RAD17: variants seen among roughly 807,000 people sequenced by gnomAD.
RAD17 encodes the protein cell cycle checkpoint protein RAD17.
RAD17 carries 31 observed loss-of-function variants against 81.5 expected under a neutral mutation model. The observed-to-expected ratio is 0.38, with a 90% CI of 0.29 to 0.51. The LOEUF (loss-of-function observed/expected upper bound fraction) is 0.51. RAD17 is among the 20% of genes least tolerant of loss of function. RAD17 has a pLI of 0.88. For missense variants in RAD17, 681 were observed against 781.2 expected (o/e 0.87, Z 1.53); for synonymous variants, 261 against 266.2 (o/e 0.98, Z 0.19).
Position 69,386,097 on chromosome 5 carries a change from T to C in RAD17, c.698+2T>C. Reference sequence around the variant, plus strand: ...TCATACTTTACATGAAGTTCTAAGGTAGGTTTCAGTGAAGTATTCTAAAAC... The same window carrying C: ...TCATACTTTACATGAAGTTCTAAGGCAGGTTTCAGTGAAGTATTCTAAAAC... On this transcript the variant is annotated splice_donor_variant, in intron 9 of 18. Transcript: ENST00000354868. LOFTEE classifies it high-confidence loss of function. 6.2e-7 allele frequency: 1 copy of C among 1,604,854 alleles called. No individual in the cohort carries two copies. The highest frequency in any genetic ancestry group is 8.5e-7 in the Non-Finnish European group (1 of 1,176,398).
At chr5:69,402,155 C>G (rs1237665654) in intron 17 of RAD17, among the ~76,000 whole-genome samples, 1 of 149,792 alleles carries the variant, frequency 6.7e-6, no homozygotes, top group Non-Finnish European at 1.5e-5. Context: ...TCAAGCGATT[C>G]TCCTGCCTCA....
chr5:69,398,924 G>A (rs1765075923), intron 16 of RAD17, among the ~76,000 whole-genome samples: 1 of 145,130 alleles, frequency 6.9e-6, no homozygotes, highest in Admixed American at 7.0e-5. Context: ...TGTAATCCGA[G>A]CACTTTGGAA....
At chr5:69,381,508 G>C (rs1477311692) in intron 6 of RAD17, among the ~76,000 whole-genome samples, 1 of 151,858 alleles carries the variant, frequency 6.6e-6, no homozygotes, top group Non-Finnish European at 1.5e-5. Flanking sequence ...AATTTTATGA[G>C]TTCAGGTAAC....
At chr5:69,406,225 C>T (rs1217822922) in intron 17 of RAD17, among the ~76,000 whole-genome samples, 3 of 152,090 alleles carry the variant, frequency 2.0e-5, no homozygotes, top group Non-Finnish European at 4.4e-5. Context: ...AGAACAAAAT[C>T]TTGTCATTTG....
intron 3 of RAD17, 71 bp from the exon 4 acceptor site, chr5:69,371,963 G>A: frequency 1.2e-6 from 1 of 836,556 alleles, no homozygotes; most frequent in Non-Finnish European, 1.6e-6. Flanking sequence ...TTCCCTAAGT[G>A]GTAGCTCTAA....
At chr5:69,369,787 G>A, upstream of RAD17, 1 of 1,395,892 alleles carries the variant, frequency 7.2e-7, no homozygotes, top group Non-Finnish European at 9.9e-7. Flanking sequence ...CTTCGCTTGC[G>A]CCGACCAGTC....
At chr5:69,389,338 A>G (rs1244219698) in intron 12 of RAD17, among the ~76,000 whole-genome samples, 193 bp downstream of exon 12, 1 of 152,242 alleles carries the variant, frequency 6.6e-6, no homozygotes, top group Non-Finnish European at 1.5e-5. Flanking sequence ...CGTAGTATAT[A>G]TCCTTGTTTC....
At chr5:69,398,530 G>C (rs932762152) in intron 16 of RAD17, among the ~76,000 whole-genome samples, 1 of 151,952 alleles carries the variant, frequency 6.6e-6, no homozygotes. Context: ...ATTTCGGCTG[G>C]GCGCTGTGAC....
At chr5:69,408,505 A>G (rs1349612492) in intron 17 of RAD17, among the ~76,000 whole-genome samples, 1 of 79,240 alleles carries the variant, frequency 1.3e-5, no homozygotes, top group Admixed American at 1.4e-4. Context: ...TACCCTAATT[A>G]CTTTTTTTTT....
upstream of RAD17, chr5:69,369,315 G>T: frequency 1.7e-6 from 1 of 596,484 alleles, no homozygotes; most frequent in Non-Finnish European, 2.3e-6. Context: ...CGCGAGGGTC[G>T]GCTCCCGGGG....
At chr5:69,370,078 G>T (rs1434103046) in intron 1 of RAD17, 145 bp downstream of exon 1, 1 of 267,974 alleles carries the variant, frequency 3.7e-6, no homozygotes, top group Admixed American at 5.5e-5. Flanking sequence ...AGGGTGCAGA[G>T]CCCTGTCCTG....
chr5:69,377,562 T>TAC (rs372413416), intron 6 of RAD17, among the ~76,000 whole-genome samples: 1,231 of 3,546 alleles, frequency 0.35, 489 homozygotes, highest in Non-Finnish European at 0.54. Context: ...TATATATGTA[T>TAC]ATATATATGC....
At chr5:69,414,007 A>G (rs1461310429) in intron 18 of RAD17, 24 bp from the exon 19 acceptor site, 1 of 1,607,324 alleles carries the variant, frequency 6.2e-7, no homozygotes, top group Non-Finnish European at 8.5e-7. Context: ...GTTCTTATTA[A>G]TGCCTGCACT....
intron 17 of RAD17, among the ~76,000 whole-genome samples, chr5:69,410,189 C>A (rs747143786): frequency 4.6e-5 from 7 of 152,148 alleles, no homozygotes; most frequent in Non-Finnish European, 1.0e-4. Context: ...ATTGTTAGAT[C>A]ATACAATAAT....
Position 69,410,503 on chromosome 5 carries a change from T to C in RAD17, c.1704T>C (p.Ser568=). Reference sequence around the variant, plus strand: ...AAAAATCTGTTTCAGCTCAGATTTCTTTTATCCAAGATATTGGAAGGCTCC... The same window carrying C: ...AAAAATCTGTTTCAGCTCAGATTTCCTTTATCCAAGATATTGGAAGGCTCC... The part of the protein sequence containing the change: ...TIPMRNQAQI[S]FIQDIGRLPL... Residue 568 remains serine (S), a synonymous_variant, in exon 18 of 19, where the codon TCT becomes TCC. Coordinates refer to ENST00000354868, the MANE Select transcript of RAD17 (RefSeq NM_133338.3). 1 of 1,612,658 alleles carries C rather than the reference T, an allele frequency of 6.2e-7. No homozygotes were observed. Among genetic ancestry groups the C allele is most frequent in the South Asian group, 1.1e-5 (1 of 90,776 alleles).
At chr5:69,388,909 T>A (rs1407781734) in intron 11 of RAD17, 125 bp from the exon 12 acceptor site, 1 of 518,438 alleles carries the variant, frequency 1.9e-6, no homozygotes, top group Non-Finnish European at 3.2e-6. Flanking sequence ...TGCCCAGCCC[T>A]TTTTAGTATT....
In RAD17 at chr5:69,414,097, C is replaced by G. The variant is rs1766220353; in HGVS notation, c.1818C>G (p.Ala606=). The change falls in exon 19 of 19, where the codon GCC becomes GCG. Residue 606 remains alanine, a synonymous_variant. Coordinates refer to ENST00000354868, the MANE Select transcript of RAD17 (RefSeq NM_133338.3). ...GMIDPDSGDE[A]QLNGGHSAEE... is the part of the protein sequence containing the mutation. Reference sequence around the variant, plus strand: ...TAGACCCTGACAGCGGAGATGAAGCCCAGCTTAATGGAGGACATTCTGCAG... The same window carrying G: ...TAGACCCTGACAGCGGAGATGAAGCGCAGCTTAATGGAGGACATTCTGCAG... The G allele has an allele frequency of 6.2e-7, 1 of 1,614,030 alleles. No homozygotes were observed. The highest frequency in any genetic ancestry group is 8.5e-7 in the Non-Finnish European group (1 of 1,180,042).
At position 69,386,545 on chromosome 5, in the gene RAD17, G is replaced by A. The variant is rs1447883491; in HGVS notation, c.894+80G>A. 3.0e-6 allele frequency: 4 copies of A among 1,326,302 alleles called. No individual in the cohort carries two copies. In the East Asian group the frequency reaches 1.1e-4, roughly 37 times the overall value. 82.2% of individuals were successfully genotyped at this position (1,326,302 alleles called of 1,614,324 possible). A position where few individuals can be genotyped will look rare whatever the true frequency, so the allele number is the denominator to read the frequency against. On this transcript the variant is annotated intron_variant, in intron 11 of 18. Transcript: ENST00000354868. ...ATAGTATTATGTAAACTGAAGGAGT[G>A]TTATTTTAATTTTTTAGAATTAAAA...
At chr5:69,380,394 T>C (rs986140607) in intron 6 of RAD17, among the ~76,000 whole-genome samples, 5 of 152,190 alleles carry the variant, frequency 3.3e-5, no homozygotes, top group African/African-American at 1.2e-4. Context: ...TTACTAGGAA[T>C]TTTTCAGCTC....
Sources: allele counts gnomAD v4.1 joint callset (sites outside exome capture counted in the v4.1 genomes callset), GRCh38; gene constraint gnomAD v4.1.1; transcripts MANE v1.5; gene names NCBI Gene and HGNC (gene_info 2026-07-23, HGNC 2026-07-21).